DENND5A: variants seen among roughly 807,000 people sequenced by gnomAD.
The protein encoded by DENND5A is DENN domain-containing protein 5A.
Under a neutral mutation model 140.3 loss-of-function variants are expected in DENND5A, and 64 were observed. The observed-to-expected ratio is 0.46, with a 90% CI of 0.37 to 0.56. The LOEUF (loss-of-function observed/expected upper bound fraction) is 0.56. Ranked by LOEUF, DENND5A falls within the 20% of genes least tolerant of loss-of-function variation. DENND5A has a pLI of 0.00. For missense variants in DENND5A, 1,292 were observed against 1,593.8 expected, an observed-to-expected ratio of 0.81 and a Z score of 3.22; for synonymous variants, 605 against 607.7, an observed-to-expected ratio of 1.00 and a Z score of 0.07.
At chr11:9,164,957 T>C (rs1848136171) in intron 11 of DENND5A, among the ~76,000 whole-genome samples, 1 of 152,172 alleles carries the variant, frequency 6.6e-6, no homozygotes, top group African/African-American at 2.4e-5. Context: ...AGATCCTGTC[T>C]TTAAAAAAGT....
At chr11:9,149,985 AATGTC>A in intron 15 of DENND5A, 91 bp downstream of exon 15, 1 of 1,476,084 alleles carries the variant, frequency 6.8e-7, no homozygotes, top group South Asian at 1.4e-5. Context: ...ATGCAGCAGC[AATGTC>A]ACACTGAATA....
chr11:9,201,643 C>A (rs1276953437), intron 4 of DENND5A, among the ~76,000 whole-genome samples: 4 of 152,090 alleles, frequency 2.6e-5, no homozygotes, highest in Non-Finnish European at 4.4e-5. Context: ...TAACTCCAAC[C>A]TGGGCAGCAG....
At chr11:9,178,033 A>C (rs1848602400) in intron 8 of DENND5A, 99 bp downstream of exon 8, 13 of 858,172 alleles carry the variant, frequency 1.5e-5, no homozygotes, top group Non-Finnish European at 2.3e-5. Context: ...CACATACACA[A>C]AGGCAGAAAC....
intron 1 of DENND5A, among the ~76,000 whole-genome samples, chr11:9,233,413 A>G (rs1480506433): frequency 6.6e-6 from 1 of 151,858 alleles, no homozygotes; most frequent in Non-Finnish European, 1.5e-5. Flanking sequence ...AAAAAAAAAA[A>G]AAAAGAAATT....
chr11:9,214,662 T>C (rs1850015470), intron 1 of DENND5A, among the ~76,000 whole-genome samples: 2 of 152,172 alleles, frequency 1.3e-5, no homozygotes, highest in African/African-American at 2.4e-5. Context: ...CACAAGTAAG[T>C]ACCCAGAATA....
intron 3 of DENND5A, among the ~76,000 whole-genome samples, chr11:9,206,309 TTAGA>T (rs1406464618): frequency 5.9e-5 from 9 of 152,198 alleles, no homozygotes; most frequent in African/African-American, 1.2e-4. Context: ...GTCATATTAC[TTAGA>T]TATATACAGT....
chr11:9,184,239 G>C (rs1848829243), intron 5 of DENND5A, among the ~76,000 whole-genome samples: 1 of 152,094 alleles, frequency 6.6e-6, no homozygotes, highest in Non-Finnish European at 1.5e-5. Context: ...TATAGTCCCA[G>C]CTACTTGGAA....
chr11:9,207,597 C>T lies in DENND5A; in HGVS notation c.145G>A (p.Asp49Asn), dbSNP rs1204617174. The T allele has an allele frequency of 2.5e-6, 4 of 1,613,460 alleles. No homozygotes were observed. Among genetic ancestry groups the T allele is most frequent in the Middle Eastern group, 1.7e-4 (1 of 6,058 alleles). ...CTTGAAATGAAAGGGCTGGCACCAT[C>T]CCTGGCTTTAGAAGCCTGTATGTAC... Reference protein sequence around the residue: ...CQYIQASKARDGASPFISSTT... With the variant: ...CQYIQASKARNGASPFISSTT... Residue 49 changes from aspartate to asparagine, a missense_variant, in exon 2 of 23, where the codon GAT becomes AAT. Coordinates refer to ENST00000328194, the MANE Select transcript of DENND5A (RefSeq NM_015213.4).
chr11:9,237,859 G>A (rs187984249), intron 1 of DENND5A, among the ~76,000 whole-genome samples: 22 of 152,256 alleles, frequency 1.4e-4, no homozygotes, highest in African/African-American at 4.8e-4. Flanking sequence ...TTTCAGCCTG[G>A]GCGACAGAGC....
intron 6 of DENND5A, 126 bp downstream of exon 6, chr11:9,180,641 C>T: frequency 1.1e-6 from 1 of 918,902 alleles, no homozygotes; most frequent in South Asian, 1.7e-5. Context: ...CCATACAGAA[C>T]ATTCTTTCAC....
In DENND5A at chr11:9,143,438, C is replaced by T; in HGVS notation, c.3352G>A (p.Gly1118Ser). ...IQESIGEAVN[G>S]IVKHFHKPEK... ...GGCTTATGGAAGTGCTTCACAATGC[C>T]ATTGACTGCCTCCCCGATGGACTCC... is the stretch of plus-strand genomic sequence containing the variant. The change falls in exon 20 of 23, where the codon GGC (glycine) becomes AGC (serine). Residue 1118 changes from glycine to serine, a missense_variant. By Grantham distance (56) the Gly-to-Ser change is moderately conservative (BLOSUM62 0). Transcript: ENST00000328194. 1 of 1,614,222 alleles carries T rather than the reference C, an allele frequency of 6.2e-7. No homozygotes were observed. Among genetic ancestry groups the T allele is most frequent in the Non-Finnish European group, 8.5e-7 (1 of 1,180,042 alleles).
chr11:9,165,207 G>A (rs1193900466), intron 11 of DENND5A, among the ~76,000 whole-genome samples: 4 of 151,820 alleles, frequency 2.6e-5, no homozygotes, highest in Non-Finnish European at 4.4e-5. Flanking sequence ...TTACCATGTT[G>A]GCCAGGCTGG....
intron 1 of DENND5A, among the ~76,000 whole-genome samples, chr11:9,212,078 A>G (rs1849903080): frequency 6.6e-6 from 1 of 152,168 alleles, no homozygotes; most frequent in African/African-American, 2.4e-5. Flanking sequence ...ACAGACAGAA[A>G]AAAGGATTAG....
chr11:9,247,365 T>C (rs1384596060), intron 1 of DENND5A, among the ~76,000 whole-genome samples: 2 of 152,100 alleles, frequency 1.3e-5, no homozygotes, highest in Non-Finnish European at 2.9e-5. Flanking sequence ...TCAGTGTAGA[T>C]AACTGGTTCT....
chr11:9,195,367 C>T (rs1004368062), intron 4 of DENND5A, among the ~76,000 whole-genome samples: 11 of 152,122 alleles, frequency 7.2e-5, no homozygotes, highest in Non-Finnish European at 1.5e-4. Flanking sequence ...TGAGCCACTG[C>T]GCTTGGCCTA....
chr11:9,192,229 G>T (rs1485475619), intron 5 of DENND5A, among the ~76,000 whole-genome samples: 1 of 152,198 alleles, frequency 6.6e-6, no homozygotes, highest in Non-Finnish European at 1.5e-5. Context: ...ATTCATCAAA[G>T]ATGCTGCCCA....
rs1847141502 is a variant in DENND5A, at chr11:9,139,005, GAAAAA to G, written c.*661_*665del. The G allele has an allele frequency of 6.6e-6, 1 of 151,474 alleles. No homozygotes were observed. Among genetic ancestry groups the G allele is most frequent in the African/African-American group, 2.4e-5 (1 of 41,114 alleles). The allele number at this position is 151,474 out of a possible 1,614,324, so 9.4% of individuals were successfully genotyped here. On this transcript the variant is annotated 3_prime_UTR_variant, in exon 23 of 23. Transcript: ENST00000328194. ...TAAATAAATAAAACATTTTAAAAAAGAAAAAAGAAAAGAAAAACCTGTTAAAACAT... is the reference window on the plus strand; with the variant it reads ...TAAATAAATAAAACATTTTAAAAAAGAGAAAAGAAAAACCTGTTAAAACAT...
At chr11:9,243,168 A>G (rs35757766) in intron 1 of DENND5A, among the ~76,000 whole-genome samples, 42,362 of 150,628 alleles carry the variant, frequency 0.28, 6,640 homozygotes, top group South Asian at 0.5. Context: ...GACTAACTCA[A>G]TGACTTTGGC....
chr11:9,262,183 A>G (rs1206599212), intron 1 of DENND5A, among the ~76,000 whole-genome samples: 11 of 152,140 alleles, frequency 7.2e-5, no homozygotes, highest in Admixed American at 6.6e-4. Flanking sequence ...TTTATAGATG[A>G]GGACCCTGAC....
Sources: allele counts gnomAD v4.1 joint callset (sites outside exome capture counted in the v4.1 genomes callset), GRCh38; gene constraint gnomAD v4.1.1; transcripts MANE v1.5; gene names NCBI Gene and HGNC (gene_info 2026-07-23, HGNC 2026-07-21).